GAN: variants seen among roughly 807,000 people sequenced by gnomAD.
The protein encoded by GAN is gigaxonin, also known as epididymis secretory sperm binding protein.
GAN carries 48 observed loss-of-function variants against 71.3 expected under a neutral mutation model. The observed-to-expected ratio is 0.67, with a 90% confidence interval of 0.53 to 0.86. The LOEUF (loss-of-function observed/expected upper bound fraction) is 0.86. Among genes scored for constraint, GAN ranks in the 40% least tolerant of loss-of-function variants. GAN has a pLI of 0.00. For synonymous variants in GAN, 386 were observed against 276.8 expected, an observed-to-expected ratio of 1.39 and a Z score of -3.92; for missense variants, 928 against 770.1, an observed-to-expected ratio of 1.21 and a Z score of -2.43.
intron 1 of GAN, among the ~76,000 whole-genome samples, chr16:81,344,691 A>G (rs148443001): frequency 2.4e-4 from 37 of 152,266 alleles, no homozygotes; most frequent in African/African-American, 7.7e-4. Context: ...ATTCAAGACA[A>G]AGGCATGGGC....
chr16:81,354,514 C>T lies in GAN; in HGVS notation c.392C>T (p.Ala131Val), dbSNP rs1910420167. The T allele has an allele frequency of 2.5e-6, 4 of 1,613,874 alleles. No homozygotes were observed. In the South Asian group the frequency reaches 3.3e-5, roughly 13 times the overall value. Residue 131 changes from alanine (A) to valine (V), a missense_variant, in exon 3 of 11, where the codon GCT becomes GTT. Ala to Val is a moderately conservative substitution (Grantham distance 64, BLOSUM62 0). Coordinates refer to ENST00000648994, the MANE Select transcript of GAN (RefSeq NM_022041.4). ...CCEFLEGCIA[A>V]ENCIGIRDFA... ...GAGTTTTTGGAAGGCTGCATTGCTG[C>T]TGAGAACTGTATTGGTATCCGTGAC...
At position 81,377,245 on chromosome 16, in the gene GAN, T is replaced by G; in HGVS notation, c.1529T>G (p.Leu510Ter). The stretch of plus-strand genomic sequence containing the variant: ...TGGATCTATCTTAACGACCAGAATT[T>G]ATGCATCCCCGCCAGTTCCTCTTTT... The part of the protein sequence containing the change: ...KRWIYLNDQN[L>*]CIPASSSFVY... Residue 510 changes from leucine (L) to a stop codon, truncating the protein, a stop_gained, in exon 10 of 11, where the codon TTA (leucine) becomes TGA (stop). Transcript: ENST00000648994. LOFTEE classifies it high-confidence loss of function. 1 of 1,610,662 alleles carries G rather than the reference T, an allele frequency of 6.2e-7. No homozygotes were observed. Among genetic ancestry groups the G allele is most frequent in the Non-Finnish European group, 8.5e-7 (1 of 1,176,834 alleles).
intron 9 of GAN, among the ~76,000 whole-genome samples, chr16:81,366,358 G>A (rs969605496): frequency 2.6e-5 from 4 of 152,294 alleles, no homozygotes; most frequent in East Asian, 1.9e-4. Context: ...CAAGTGCCAC[G>A]TATGTCTTGT....
At chr16:81,330,325 G>C (rs1909533867) in intron 1 of GAN, among the ~76,000 whole-genome samples, 1 of 152,278 alleles carries the variant, frequency 6.6e-6, no homozygotes, top group Admixed American at 6.5e-5. Flanking sequence ...AAGACACCAA[G>C]AGGCTGGAGC....
At chr16:81,315,479 C>T (rs546444595) in intron 1 of GAN, among the ~76,000 whole-genome samples, 199 bp downstream of exon 1, 10 of 152,036 alleles carry the variant, frequency 6.6e-5, no homozygotes, top group East Asian at 3.9e-4. Context: ...GCCTCTGTGG[C>T]TTCCAGGCCC....
intron 1 of GAN, among the ~76,000 whole-genome samples, chr16:81,337,755 C>G (rs546963632): frequency 2.6e-5 from 4 of 152,092 alleles, no homozygotes; most frequent in African/African-American, 9.7e-5. Context: ...GAAAAAGTAA[C>G]GTGAATATTG....
At chr16:81,349,235 G>A (rs541802431) in intron 1 of GAN, among the ~76,000 whole-genome samples, 2 of 149,664 alleles carry the variant, frequency 1.3e-5, no homozygotes, top group South Asian at 4.2e-4. Context: ...ACCAGTTCCC[G>A]GAGCCTTTGG....
intron 5 of GAN, among the ~76,000 whole-genome samples, chr16:81,359,103 G>T (rs182920888): frequency 4.3e-4 from 65 of 152,276 alleles, no homozygotes; most frequent in African/African-American, 1.5e-3. Flanking sequence ...AAAATTATTA[G>T]TTATTGTCAG....
chr16:81,351,746 CTCAGGGT>C (rs748951541), intron 2 of GAN, 49 bp downstream of exon 2: 1 of 860,318 alleles, frequency 1.2e-6, no homozygotes, highest in South Asian at 1.3e-5. Flanking sequence ...GCTTCTCAAG[CTCAGGGT>C]GAGGGTCTCC....
intron 9 of GAN, 134 bp downstream of exon 9, chr16:81,365,612 A>G: frequency 1.2e-6 from 1 of 858,162 alleles, no homozygotes; most frequent in African/African-American, 1.7e-5. Context: ...CATGCATACT[A>G]GATATTTATT....
At chr16:81,323,221 G>A (rs1909275660) in intron 1 of GAN, among the ~76,000 whole-genome samples, 2 of 152,098 alleles carry the variant, frequency 1.3e-5, no homozygotes, top group Admixed American at 1.3e-4. Flanking sequence ...GTTTTTGGTG[G>A]GTTTGTTTGT....
rs758756818 is a variant in GAN, at chr16:81,363,809, G to A, written c.1102G>A (p.Gly368Arg). 4.3e-6 allele frequency: 7 copies of A among 1,613,710 alleles called. No individual in the cohort carries two copies. The highest frequency in any genetic ancestry group is 3.3e-5 in the South Asian group (3 of 91,064). ...PPMNEARHNF[G>R]IVEIDGMLYI... ...GTAATTTCAGGCAAGACATAACTTC[G>A]GAATTGTGGAGATAGATGGGATGCT... is the stretch of plus-strand genomic sequence containing the variant. The change falls in exon 7 of 11, where the codon GGA (glycine) becomes AGA (arginine). Residue 368 changes from glycine to arginine, a missense_variant. Physicochemically the swap from Gly to Arg is moderately radical, Grantham distance 125 (BLOSUM62 -2). Coordinates refer to ENST00000648994, the MANE Select transcript of GAN (RefSeq NM_022041.4).
At chr16:81,335,647 T>C (rs1909731476) in intron 1 of GAN, among the ~76,000 whole-genome samples, 1 of 148,774 alleles carries the variant, frequency 6.7e-6, no homozygotes, top group African/African-American at 2.5e-5. Context: ...CTCAGGAGGC[T>C]GAGGCAGGAG....
In GAN at chr16:81,382,686, T is replaced by G. The variant is rs1381540988; in HGVS notation, c.*5090T>G. The stretch of plus-strand genomic sequence containing the variant: ...ATGAGAAGGGGCCCATTTGCCCATA[T>G]TTGATAACACAGACTTGGATTGAGT... On this transcript the variant is annotated 3_prime_UTR_variant, in exon 11 of 11. Transcript: ENST00000648994. The G allele has an allele frequency of 3.9e-5, 6 of 152,220 alleles. No individual in the cohort carries two copies. The highest frequency in any genetic ancestry group is 2.6e-4 in the Admixed American group (4 of 15,288). 9.4% of individuals were successfully genotyped at this position (152,220 alleles called of 1,614,324 possible).
intron 1 of GAN, among the ~76,000 whole-genome samples, chr16:81,350,661 G>A (rs1391970296): frequency 2.0e-5 from 3 of 151,974 alleles, no homozygotes; most frequent in Non-Finnish European, 4.4e-5. Context: ...GATTGCAGGC[G>A]TATGCCACCA....
At chr16:81,362,460 A>G (rs1423810023) in intron 5 of GAN, 39 bp from the exon 6 acceptor site, 1 of 1,019,428 alleles carries the variant, frequency 9.8e-7, no homozygotes. Flanking sequence ...GGTGTTGAAG[A>G]CTCACATTTC....
intron 1 of GAN, among the ~76,000 whole-genome samples, chr16:81,324,317 C>T (rs1215992106): frequency 6.6e-6 from 1 of 152,088 alleles, no homozygotes; most frequent in African/African-American, 2.4e-5. Context: ...ATTACAGAGC[C>T]ATATGAGTTT....
At chr16:81,333,168 G>A (rs79881552) in intron 1 of GAN, among the ~76,000 whole-genome samples, 3,167 of 150,982 alleles carry the variant, frequency 0.021, 59 homozygotes, top group East Asian at 0.082. Context: ...CTTGAACCCA[G>A]GAGATGGAGG....
Position 81,365,498 on chromosome 16 carries a change from C to G in GAN, c.1502+20C>G, listed in dbSNP as rs1413275453. 6.2e-7 allele frequency: 1 copy of G among 1,610,434 alleles called. No homozygotes were observed. Among genetic ancestry groups the G allele is most frequent in the Admixed American group, 1.7e-5 (1 of 59,912 alleles). ...TAAAAGGTAACTAAGAATGGTTTCA[C>G]ATAGCTACTGCAACTTTTTCTTTGT... On this transcript the variant is annotated intron_variant, in intron 9 of 10. Transcript: ENST00000648994.
Sources: gnomAD v4.1 joint callset for allele counts (sites outside exome capture counted in the v4.1 genomes callset) on GRCh38, gnomAD v4.1.1 for gene constraint, MANE v1.5 for transcripts, NCBI Gene and HGNC (gene_info 2026-07-23, HGNC 2026-07-21) for gene names.